The following PALLD variants were observed in gnomAD, a reference collection of about 807,000 sequenced individuals.
PALLD encodes palladin, cytoskeletal associated protein.
In PALLD, 61 loss-of-function variants were observed where a neutral mutation model predicts 123.5. That is an observed-to-expected ratio of 0.49 (90% CI 0.40 to 0.61). The LOEUF (loss-of-function observed/expected upper bound fraction) is 0.61, where lower values mean the gene tolerates loss of function less well. Ranked by LOEUF, PALLD falls within the 20% of genes least tolerant of loss-of-function variation. The pLI, the probability that PALLD is intolerant of heterozygous loss-of-function variation, is 0.00. For missense variants in PALLD, 1,273 were observed against 1,377.0 expected, an observed-to-expected ratio of 0.92 and a Z score of 1.20; for synonymous variants, 465 against 496.4, an observed-to-expected ratio of 0.94 and a Z score of 0.84.
intron 2 of PALLD, among the ~76,000 whole-genome samples, chr4:168,638,893 T>C (rs1776617712): frequency 6.6e-6 from 1 of 152,114 alleles, no homozygotes; most frequent in South Asian, 2.1e-4. Context: ...CACCGTCTCC[T>C]CTCTTTTTCC....
At chr4:168,716,687 TC>T (rs1281878438) in intron 10 of PALLD, among the ~76,000 whole-genome samples, 1 of 152,206 alleles carries the variant, frequency 6.6e-6, no homozygotes, top group Non-Finnish European at 1.5e-5. Flanking sequence ...TAGCATCACC[TC>T]AGTCCAGTTC....
At chr4:168,809,267 T>C (rs2150729279) in intron 10 of PALLD, among the ~76,000 whole-genome samples, 1 of 152,238 alleles carries the variant, frequency 6.6e-6, no homozygotes, top group East Asian at 1.9e-4. Context: ...CTTTAAGTGC[T>C]CTGCTTTCCA....
At chr4:168,919,304 A>G (rs1760920452) in intron 17 of PALLD, among the ~76,000 whole-genome samples, 1 of 152,096 alleles carries the variant, frequency 6.6e-6, no homozygotes, top group African/African-American at 2.4e-5. Flanking sequence ...CAGGTGGATC[A>G]CCTGAGGTCA....
At chr4:168,609,605 A>C (rs1436890639) in intron 2 of PALLD, among the ~76,000 whole-genome samples, 1 of 152,124 alleles carries the variant, frequency 6.6e-6, no homozygotes, top group Non-Finnish European at 1.5e-5. Context: ...AGAGTGGCCT[A>C]GGGGCAGAGC....
chr4:168,920,157 C>T (rs1761147484), intron 17 of PALLD, among the ~76,000 whole-genome samples: 2 of 152,208 alleles, frequency 1.3e-5, no homozygotes. Flanking sequence ...CTTCTGATGA[C>T]CTCCAAACAG....
chr4:168,611,398 T>C (rs1014429429), intron 2 of PALLD, among the ~76,000 whole-genome samples: 1 of 152,210 alleles, frequency 6.6e-6, no homozygotes, highest in Non-Finnish European at 1.5e-5. Flanking sequence ...GTGAGCTATG[T>C]TCCATCACAT....
At chr4:168,639,463 A>C (rs548514652) in intron 2 of PALLD, among the ~76,000 whole-genome samples, 1 of 152,250 alleles carries the variant, frequency 6.6e-6, no homozygotes, top group South Asian at 2.1e-4. Flanking sequence ...TTGGACTCAG[A>C]CCATGAATCA....
At position 168,688,448 on chromosome 4, in the gene PALLD, G is replaced by A. The variant is rs144224506; in HGVS notation, c.1336-2155G>A. Among the ~76,000 whole-genome samples, 9 of 152,316 alleles carry A rather than the reference G, an allele frequency of 5.9e-5. No homozygotes were observed. The East Asian group carries it at 1.4e-3, about 23-fold the overall frequency. On this transcript the variant is annotated intron_variant, in intron 6 of 21. Transcript: ENST00000505667. Reference sequence around the variant, plus strand: ...TTCTTCCCAAATAGACCCCTCCAAAGAATCACAATGTCAGGTGGACTTGAT... The same window carrying A: ...TTCTTCCCAAATAGACCCCTCCAAAAAATCACAATGTCAGGTGGACTTGAT...
chr4:168,689,522 A>C (rs760002647), intron 6 of PALLD, among the ~76,000 whole-genome samples: 1 of 127,172 alleles, frequency 7.9e-6, no homozygotes, highest in Non-Finnish European at 1.5e-5. Context: ...ATCTTGGCTC[A>C]CTGCAACCTC....
At chr4:168,767,387 AT>A (rs1733812601) in intron 10 of PALLD, among the ~76,000 whole-genome samples, 1 of 152,196 alleles carries the variant, frequency 6.6e-6, no homozygotes, top group African/African-American at 2.4e-5. Flanking sequence ...ATATATATGC[AT>A]AGTAATGTAG....
intron 15 of PALLD, among the ~76,000 whole-genome samples, chr4:168,909,171 G>C (rs190300508): frequency 6.6e-6 from 1 of 152,100 alleles, no homozygotes; most frequent in Admixed American, 6.6e-5. Flanking sequence ...TAAGAACAAC[G>C]ACATCTAAAC....
intron 10 of PALLD, among the ~76,000 whole-genome samples, chr4:168,776,453 A>T (rs1239827464): frequency 1.3e-5 from 2 of 152,198 alleles, no homozygotes; most frequent in Non-Finnish European, 2.9e-5. Flanking sequence ...GCAAATACAG[A>T]CAGCTTTGCT....
intron 2 of PALLD, among the ~76,000 whole-genome samples, chr4:168,608,998 G>A (rs1773469326): frequency 6.6e-6 from 1 of 151,852 alleles, no homozygotes; most frequent in South Asian, 2.1e-4. Flanking sequence ...CCTGTATCCT[G>A]CTGAGCTGAG....
chr4:168,692,182 A>G (rs977901986), intron 8 of PALLD, among the ~76,000 whole-genome samples: 3 of 152,152 alleles, frequency 2.0e-5, no homozygotes, highest in African/African-American at 7.2e-5. Flanking sequence ...GGAACTGGAA[A>G]GTCCTCTGTG....
At chr4:168,783,314 G>A (rs1736216632) in intron 10 of PALLD, among the ~76,000 whole-genome samples, 1 of 152,092 alleles carries the variant, frequency 6.6e-6, no homozygotes. Flanking sequence ...CATAGTATAA[G>A]AGAGCTAAGC....
chr4:168,709,558 GGAAGGAAGGAAGGAAGGAAGGA>G (rs1784563954), intron 9 of PALLD, among the ~76,000 whole-genome samples: 18 of 718 alleles, frequency 0.025, no homozygotes, highest in Non-Finnish European at 0.034. Flanking sequence ...AAGGAAGGAA[GGAAGGAAGGAAGGAAGGAAGGA>G]AGGAAGGAAG....
At chr4:168,705,735 C>G (rs561237575) in intron 8 of PALLD, among the ~76,000 whole-genome samples, 2 of 152,262 alleles carry the variant, frequency 1.3e-5, no homozygotes, top group African/African-American at 4.8e-5. Context: ...CTCCCGGGTT[C>G]AAGCAATTCT....
intron 2 of PALLD, among the ~76,000 whole-genome samples, chr4:168,596,286 T>C (rs1264171916): frequency 6.6e-6 from 1 of 152,112 alleles, no homozygotes; most frequent in Non-Finnish European, 1.5e-5. Context: ...AAAGATACTG[T>C]AAAACTACTG....
intron 2 of PALLD, among the ~76,000 whole-genome samples, chr4:168,601,338 GA>G (rs895253469): frequency 1.3e-4 from 20 of 152,230 alleles, no homozygotes; most frequent in Non-Finnish European, 2.9e-4. Context: ...CTTTGGTCCA[GA>G]AGACCTCAAG....
Sources: gnomAD v4.1 joint callset for allele counts (sites outside exome capture counted in the v4.1 genomes callset) on GRCh38, gnomAD v4.1.1 for gene constraint, MANE v1.5 for transcripts, NCBI Gene and HGNC (gene_info 2026-07-23, HGNC 2026-07-21) for gene names.